The following PARN variants were observed in gnomAD, a reference collection of about 807,000 sequenced individuals.
The protein encoded by PARN is poly(A)-specific ribonuclease PARN.
Under a neutral mutation model 102.8 loss-of-function variants are expected in PARN, and 71 were observed. The observed-to-expected ratio is 0.69, with a 90% CI of 0.57 to 0.84. The LOEUF (loss-of-function observed/expected upper bound fraction) is 0.84, where lower values mean the gene tolerates loss of function less well. Ranked by LOEUF, PARN falls within the 40% of genes least tolerant of loss-of-function variation. PARN has a pLI of 0.00. For synonymous variants in PARN, 261 were observed against 252.9 expected (o/e 1.03, Z -0.30); for missense variants, 782 against 760.9 (o/e 1.03, Z -0.33).
At chr16:14,453,693 A>G (rs1475851894) in intron 22 of PARN, among the ~76,000 whole-genome samples, 1 of 152,174 alleles carries the variant, frequency 6.6e-6, no homozygotes, top group Admixed American at 6.5e-5. Flanking sequence ...AAATCATACA[A>G]TATTTAGTCT....
intron 6 of PARN, among the ~76,000 whole-genome samples, chr16:14,612,949 A>G (rs1211992176): frequency 1.3e-5 from 2 of 152,018 alleles, no homozygotes; most frequent in Admixed American, 1.3e-4. Context: ...CTGCAGTTAC[A>G]AGCCTATAGC....
intron 21 of PARN, among the ~76,000 whole-genome samples, chr16:14,522,443 C>T (rs769225092): frequency 2.0e-5 from 3 of 152,048 alleles, no homozygotes; most frequent in Non-Finnish European, 4.4e-5. Context: ...GGGAGGTTGA[C>T]GCAGGAGAAT....
chr16:14,495,760 C>T (rs1308237211), intron 21 of PARN, among the ~76,000 whole-genome samples: 1 of 152,166 alleles, frequency 6.6e-6, no homozygotes, highest in African/African-American at 2.4e-5. Context: ...TAAAATGTAG[C>T]ACAAGGCCCC....
intron 18 of PARN, among the ~76,000 whole-genome samples, chr16:14,558,023 T>A (rs1226335455): frequency 1.3e-5 from 2 of 152,242 alleles, no homozygotes; most frequent in South Asian, 4.1e-4. Flanking sequence ...TTAACTAACC[T>A]AGGAATAACT....
At chr16:14,446,150 C>T (rs1204509979) in intron 23 of PARN, among the ~76,000 whole-genome samples, 1 of 152,206 alleles carries the variant, frequency 6.6e-6, no homozygotes, top group African/African-American at 2.4e-5. Context: ...GCCCTTCTGG[C>T]CTCTTGCTGT....
intron 21 of PARN, among the ~76,000 whole-genome samples, chr16:14,512,470 GC>G: frequency 6.6e-6 from 1 of 152,096 alleles, no homozygotes; most frequent in Non-Finnish European, 1.5e-5. Flanking sequence ...TTCAGCCTGG[GC>G]AACAGAGTGA....
chr16:14,470,619 C>T (rs571946887), intron 22 of PARN, among the ~76,000 whole-genome samples: 9 of 150,360 alleles, frequency 6.0e-5, no homozygotes, highest in South Asian at 2.1e-4. Context: ...CCAACACACC[C>T]GGCTAACTTT....
intron 21 of PARN, among the ~76,000 whole-genome samples, chr16:14,525,173 G>A (rs908388118): frequency 6.6e-6 from 1 of 152,184 alleles, no homozygotes; most frequent in African/African-American, 2.4e-5. Flanking sequence ...AAGTTCTTAA[G>A]CTAGTAAATG....
intron 21 of PARN, among the ~76,000 whole-genome samples, chr16:14,518,308 AAAAAAAAAG>A (rs1385921834): frequency 6.7e-6 from 1 of 150,154 alleles, no homozygotes; most frequent in Admixed American, 6.6e-5. Flanking sequence ...AAAAAAAAAA[AAAAAAAAAG>A]ACTACTCATA....
chr16:14,444,574 A>G (rs1961105901), intron 23 of PARN, among the ~76,000 whole-genome samples: 1 of 152,134 alleles, frequency 6.6e-6, no homozygotes, highest in African/African-American at 2.4e-5. Flanking sequence ...TATAGAGGGG[A>G]AAAACGAAAA....
intron 21 of PARN, among the ~76,000 whole-genome samples, chr16:14,543,112 A>T (rs992562393): frequency 6.6e-6 from 1 of 152,250 alleles, no homozygotes; most frequent in African/African-American, 2.4e-5. Flanking sequence ...GGAAAATGAC[A>T]ATTCAAATGA....
intron 23 of PARN, among the ~76,000 whole-genome samples, chr16:14,438,037 GA>G (rs1213778170): frequency 6.6e-6 from 1 of 152,158 alleles, no homozygotes; most frequent in African/African-American, 2.4e-5. Flanking sequence ...TCATCGCTCT[GA>G]ACAGGCACGT....
intron 18 of PARN, among the ~76,000 whole-genome samples, chr16:14,580,611 A>T (rs1969471826): frequency 6.6e-6 from 1 of 151,858 alleles, no homozygotes; most frequent in Admixed American, 6.6e-5. Context: ...TAAATGCCAG[A>T]ACTACCAGTT....
At chr16:14,607,603 A>G (rs1167641200) in intron 9 of PARN, among the ~76,000 whole-genome samples, 1 of 152,136 alleles carries the variant, frequency 6.6e-6, no homozygotes, top group Admixed American at 6.6e-5. Flanking sequence ...TGCATCAGCC[A>G]AGGAGGAGAG....
intron 21 of PARN, among the ~76,000 whole-genome samples, chr16:14,506,908 G>A (rs1228976874): frequency 1.3e-5 from 2 of 152,178 alleles, no homozygotes; most frequent in Admixed American, 6.5e-5. Flanking sequence ...AACAAAAAAG[G>A]AAAGAAAATG....
rs1340012887 is a variant in PARN, at chr16:14,446,902, T to A, written c.1850A>T (p.Glu617Val). The A allele has an allele frequency of 6.2e-7, 1 of 1,612,558 alleles. No individual in the cohort carries two copies. Among genetic ancestry groups the A allele is most frequent in the Admixed American group, 1.7e-5 (1 of 59,842 alleles). Residue 617 changes from glutamate (E) to valine (V), a missense_variant, in exon 23 of 24, where the codon GAG (glutamate) becomes GTG (valine). Glu to Val is a moderately radical substitution (Grantham distance 121). Transcript: ENST00000437198. ...CCAATACAAACCTGCTGGAGAAAGC[T>A]CCTTCTTCATTCTTTTTAATTTCTT... is the stretch of plus-strand genomic sequence containing the variant. ...KAKKLKRMKK[E>V]LSPAGSISKN...
chr16:14,481,061 T>C (rs1963355004), intron 22 of PARN, among the ~76,000 whole-genome samples: 1 of 152,194 alleles, frequency 6.6e-6, no homozygotes, highest in South Asian at 2.1e-4. Context: ...ACTTGTACTA[T>C]AAAATGCTAT....
chr16:14,451,170 T>TGGCC lies in PARN; in HGVS notation c.1671-4093_1671-4090dup, dbSNP rs1399201225. 2.6e-5 allele frequency among the ~76,000 whole-genome samples: 4 copies of TGGCC among 152,312 alleles called. No homozygotes were observed. In the East Asian group the frequency reaches 5.8e-4, roughly 22 times the overall value. On this transcript the variant is annotated intron_variant, in intron 22 of 23. Transcript: ENST00000437198. ...GCCCGTCATCCCACCAGAAGTTTAC[T>TGGCC]GGCCCAAATACATCCCACACTGCCC...
At chr16:14,603,710 C>T (rs1005034948) in intron 11 of PARN, among the ~76,000 whole-genome samples, 21 of 152,304 alleles carry the variant, frequency 1.4e-4, no homozygotes, top group African/African-American at 5.1e-4. Flanking sequence ...CTTACTCACT[C>T]GAAACCATTC....
Sources: allele counts gnomAD v4.1 joint callset (sites outside exome capture counted in the v4.1 genomes callset), GRCh38; gene constraint gnomAD v4.1.1; transcripts MANE v1.5; gene names NCBI Gene and HGNC (gene_info 2026-07-23, HGNC 2026-07-21).